CALB1: variants seen among roughly 807,000 people sequenced by gnomAD.
CALB1 encodes the protein calbindin 1.
CALB1 carries 16 observed loss-of-function variants against 46.7 expected under a neutral mutation model. The observed-to-expected ratio is 0.34, with a 90% CI of 0.23 to 0.52. The LOEUF (loss-of-function observed/expected upper bound fraction) is 0.52, where lower values mean the gene tolerates loss of function less well. Ranked by LOEUF, CALB1 falls within the 20% of genes least tolerant of loss-of-function variation. CALB1 has a pLI of 0.95. For synonymous variants in CALB1, 90 were observed against 112.8 expected (o/e 0.80, Z 1.28); for missense variants, 224 against 300.3 (o/e 0.75, Z 1.88).
At chr8:90,079,526 GTTT>G (rs1034669193) in intron 2 of CALB1, among the ~76,000 whole-genome samples, 16 of 151,898 alleles carry the variant, frequency 1.1e-4, no homozygotes, top group African/African-American at 3.9e-4. Context: ...AGGTCCTACA[GTTT>G]TTTTATTTTT....
intron 3 of CALB1, among the ~76,000 whole-genome samples, chr8:90,076,886 G>C (rs1814631617): frequency 6.6e-6 from 1 of 151,886 alleles, no homozygotes; most frequent in Admixed American, 6.6e-5. Context: ...ATGTGAATCA[G>C]ATCAATGCCT....
In CALB1 at chr8:90,062,621, C is replaced by T. The variant is rs561644063; in HGVS notation, c.600+479G>A. On this transcript the variant is annotated intron_variant, in intron 9 of 10. Transcript: ENST00000265431. ...CACTAATCAGAGAAATAAAAATTAACAATAAGATATCTCCTCACACCTATT... is the reference window on the plus strand; with the variant it reads ...CACTAATCAGAGAAATAAAAATTAATAATAAGATATCTCCTCACACCTATT... 4 of 151,912 alleles carry T rather than the reference C, an allele frequency of 2.6e-5. No individual in the cohort carries two copies. In the East Asian group the frequency reaches 5.8e-4, roughly 22 times the overall value. The allele number at this position is 151,912 out of a possible 1,614,324, so 9.4% of individuals were successfully genotyped here.
rs1339485898 is a variant in CALB1, at chr8:90,069,147, C to CTTA, written c.315+4_315+6dup. The CTTA allele has an allele frequency of 6.2e-7, 1 of 1,613,554 alleles. No homozygotes were observed. The highest frequency in any genetic ancestry group is 2.2e-5 in the East Asian group (1 of 44,880). ...GCAGCTTTCTTAAAGGGGCAGCTTT[C>CTTA]TTATACCTTCATGAATTCCTCACAG... On this transcript the variant is annotated splice_region_variant and intron_variant, in intron 4 of 10. Transcript: ENST00000265431.
At chr8:90,068,975 A>C in intron 5 of CALB1, 23 bp downstream of exon 5, 6 of 1,563,162 alleles carry the variant, frequency 3.8e-6, no homozygotes, top group Non-Finnish European at 3.5e-6. Flanking sequence ...GGAAAAACTT[A>C]GTACAAGTTT....
chr8:90,075,010 G>T (rs1476287497), intron 3 of CALB1, among the ~76,000 whole-genome samples: 1 of 152,026 alleles, frequency 6.6e-6, no homozygotes, highest in Non-Finnish European at 1.5e-5. Context: ...ACATTTTTTT[G>T]ACCATCACAT....
At chr8:90,073,785 T>C (rs1188495983) in intron 3 of CALB1, among the ~76,000 whole-genome samples, 1 of 152,156 alleles carries the variant, frequency 6.6e-6, no homozygotes, top group Non-Finnish European at 1.5e-5. Context: ...TCACCACTAG[T>C]GAGAACCATA....
chr8:90,075,469 T>G (rs780051855), intron 3 of CALB1, among the ~76,000 whole-genome samples: 3 of 152,172 alleles, frequency 2.0e-5, no homozygotes, highest in Non-Finnish European at 4.4e-5. Flanking sequence ...TTATTATAAA[T>G]TGTAGAAAAC....
chr8:90,081,447 C>A, intron 2 of CALB1: 1 of 982,516 alleles, frequency 1.0e-6, no homozygotes, highest in Non-Finnish European at 1.2e-6. Flanking sequence ...TTCTCATCTC[C>A]CCAACTACAT....
intron 3 of CALB1, among the ~76,000 whole-genome samples, chr8:90,075,389 A>T (rs925733046): frequency 6.6e-6 from 1 of 152,222 alleles, no homozygotes; most frequent in African/African-American, 2.4e-5. Flanking sequence ...TAAGCATAAC[A>T]TATAAGTAAA....
intron 2 of CALB1, among the ~76,000 whole-genome samples, chr8:90,080,198 T>G (rs1814703650): frequency 1.3e-5 from 2 of 151,940 alleles, no homozygotes; most frequent in African/African-American, 2.4e-5. Context: ...CATTACATTA[T>G]AGTCTAATAA....
intron 9 of CALB1, 182 bp downstream of exon 9, chr8:90,062,918 C>T (rs557650258): frequency 6.8e-5 from 34 of 498,268 alleles, no homozygotes; most frequent in East Asian, 5.0e-4. Flanking sequence ...GGAGAAATGA[C>T]GAGTTACTCA....
chr8:90,070,183 G>C (rs1263527775), intron 3 of CALB1, among the ~76,000 whole-genome samples: 2 of 152,112 alleles, frequency 1.3e-5, no homozygotes, highest in East Asian at 3.9e-4. Flanking sequence ...ACTTGAAATA[G>C]AAGCCAGTGT....
rs1256743058 is a variant in CALB1 at position 90,060,135 on chromosome 8, T to TA, written c.*37dup. On this transcript the variant is annotated 3_prime_UTR_variant, in exon 11 of 11. Transcript: ENST00000265431. The stretch of plus-strand genomic sequence containing the variant: ...TTATAGTGCACAGTTATTTTTTAGA[T>TA]ACAGTGTATCACTAGCAAGTGGTTG... 4.3e-6 allele frequency: 5 copies of TA among 1,153,008 alleles called. No individual in the cohort carries two copies. The highest frequency in any genetic ancestry group is 6.6e-6 in the Non-Finnish European group (5 of 759,352). The allele number at this position is 1,153,008 out of a possible 1,614,324, so 71.4% of individuals were successfully genotyped here.
intron 5 of CALB1, among the ~76,000 whole-genome samples, chr8:90,068,344 A>C (rs1814436853): frequency 1.3e-5 from 2 of 152,176 alleles, no homozygotes; most frequent in Admixed American, 1.3e-4. Flanking sequence ...CGAAGTGATA[A>C]ATTCATTCTC....
At chr8:90,068,944 A>G (rs1219218271) in intron 5 of CALB1, 54 bp downstream of exon 5, 1 of 1,283,002 alleles carries the variant, frequency 7.8e-7, no homozygotes, top group African/African-American at 1.5e-5. Context: ...GGAAACTCTT[A>G]GTTCATAATT....
At chr8:90,063,509 T>C (rs778394792) in intron 6 of CALB1, 48 bp from the exon 7 acceptor site, 5 of 1,475,560 alleles carry the variant, frequency 3.4e-6, no homozygotes, top group South Asian at 2.3e-5. Context: ...AATAATTTAT[T>C]GCATGAAGGA....
intron 6 of CALB1, 75 bp from the exon 7 acceptor site, chr8:90,063,536 A>G: frequency 7.8e-7 from 1 of 1,289,268 alleles, no homozygotes; most frequent in African/African-American, 1.5e-5. Context: ...CTTCAAAATA[A>G]AGCTGTTTGA....
chr8:90,079,976 T>C (rs1437030666), intron 2 of CALB1, among the ~76,000 whole-genome samples: 1 of 151,924 alleles, frequency 6.6e-6, no homozygotes, highest in Non-Finnish European at 1.5e-5. Flanking sequence ...TATATACAAG[T>C]AGGTTTAATG....
At chr8:90,063,578 T>A (rs1814340558) in intron 6 of CALB1, 117 bp from the exon 7 acceptor site, 1 of 779,290 alleles carries the variant, frequency 1.3e-6, no homozygotes. Context: ...TGCAGTAAAA[T>A]TTTAAAAACT....
Sources: allele counts gnomAD v4.1 joint callset (sites outside exome capture counted in the v4.1 genomes callset), GRCh38; gene constraint gnomAD v4.1.1; transcripts MANE v1.5; gene names NCBI Gene and HGNC (gene_info 2026-07-23, HGNC 2026-07-21).